NTPCR: variants seen among roughly 807,000 people sequenced by gnomAD.
NTPCR encodes cancer-related nucleoside-triphosphatase.
In NTPCR, 15 loss-of-function variants were observed where a neutral mutation model predicts 19.5. The observed-to-expected ratio is 0.77, with a 90% CI of 0.51 to 1.18. The LOEUF (loss-of-function observed/expected upper bound fraction) is 1.18. Among genes scored for constraint, NTPCR ranks in the 50% most tolerant of loss-of-function variants. The pLI, the probability that NTPCR is intolerant of heterozygous loss-of-function variation, is 0.00. For missense variants in NTPCR, 206 were observed against 240.4 expected, an observed-to-expected ratio of 0.86 and a Z score of 0.95; for synonymous variants, 90 against 95.8, an observed-to-expected ratio of 0.94 and a Z score of 0.36.
rs191639835 is a variant in NTPCR at position 232,974,880 on chromosome 1, T to C, written c.505-3283T>C. Among the ~76,000 whole-genome samples the C allele has an allele frequency of 2.6e-5, 4 of 152,282 alleles. No individual in the cohort carries two copies. The East Asian group carries it at 7.7e-4, about 29-fold the overall frequency. On this transcript the variant is annotated intron_variant, in intron 4 of 4. Coordinates refer to ENST00000366628, the MANE Select transcript of NTPCR (RefSeq NM_032324.3). ...CTTAAAGGTCCCACCTCTATTTGCA[T>C]GGGGGTTAAGTTTCCAACACATGAA...
chr1:232,952,776 A>C (rs1260504375), intron 1 of NTPCR, among the ~76,000 whole-genome samples: 1 of 151,898 alleles, frequency 6.6e-6, no homozygotes, highest in East Asian at 1.9e-4. Flanking sequence ...CAATATGTTC[A>C]GACCATCAGG....
intron 1 of NTPCR, among the ~76,000 whole-genome samples, chr1:232,954,100 G>A (rs1668448792): frequency 6.6e-6 from 1 of 152,220 alleles, no homozygotes; most frequent in South Asian, 2.1e-4. Context: ...AAAAGAAGTA[G>A]CAGCTTACAC....
At position 232,950,655 on chromosome 1, in the gene NTPCR, T is replaced by A; in HGVS notation, c.-56T>A. 6.8e-7 allele frequency: 1 copy of A among 1,463,270 alleles called. No homozygotes were observed. 90.6% of individuals were successfully genotyped at this position (1,463,270 alleles called of 1,614,324 possible). A position where few individuals can be genotyped will look rare whatever the true frequency, so the allele number is the denominator to read the frequency against. ...ACCCTGGTCCGGACCTGACCTGAATTGCGACCCCAACCTGGACTGCTCCCC... is the reference window on the plus strand; with the variant it reads ...ACCCTGGTCCGGACCTGACCTGAATAGCGACCCCAACCTGGACTGCTCCCC... On this transcript the variant is annotated 5_prime_UTR_variant, in exon 1 of 5. Transcript: ENST00000366628.
chr1:232,950,689 A>G lies in NTPCR; in HGVS notation c.-22A>G, dbSNP rs1668335858. On this transcript the variant is annotated 5_prime_UTR_variant, in exon 1 of 5. Coordinates refer to ENST00000366628, the MANE Select transcript of NTPCR (RefSeq NM_032324.3). ...AACCTGGACTGCTCCCCTGACCGCA[A>G]CCCCTACCCCCGCCCACCAGTATGG... 5.0e-6 allele frequency: 8 copies of G among 1,604,086 alleles called. No homozygotes were observed. The highest frequency in any genetic ancestry group is 1.3e-5 in the African/African-American group (1 of 74,450).
At chr1:232,976,374 A>C in intron 4 of NTPCR, 1 of 1,548,396 alleles carries the variant, frequency 6.5e-7, no homozygotes, top group South Asian at 1.2e-5. Context: ...ACCAGAGCAA[A>C]TTCTCCAGCT....
chr1:232,969,904 C>A lies in NTPCR; in HGVS notation c.295-5C>A, dbSNP rs536492970. The stretch of plus-strand genomic sequence containing the variant: ...TGTCCCAGTGAAAGTCTTTGTCATT[C>A]TCAGGCCGACTGCAGCAGTGGCCCA... On this transcript the variant is annotated splice_region_variant and splice_polypyrimidine_tract_variant and intron_variant, in intron 3 of 4. Coordinates refer to ENST00000366628, the MANE Select transcript of NTPCR (RefSeq NM_032324.3). The A allele has an allele frequency of 6.2e-7, 1 of 1,613,450 alleles. No homozygotes were observed. The highest frequency in any genetic ancestry group is 1.3e-5 in the African/African-American group (1 of 75,032).
chr1:232,973,788 C>T (rs1261822518), intron 4 of NTPCR, among the ~76,000 whole-genome samples: 1 of 152,164 alleles, frequency 6.6e-6, no homozygotes, highest in East Asian at 1.9e-4. Context: ...AAAAAAGTCA[C>T]TGAATGGGCT....
intron 4 of NTPCR, chr1:232,976,179 G>T: frequency 1.5e-6 from 1 of 677,202 alleles, no homozygotes; most frequent in Non-Finnish European, 2.1e-6. Context: ...CATATTTATG[G>T]GGTACAGTGT....
chr1:232,982,193 A>T lies in NTPCR; in HGVS notation c.*3962A>T, dbSNP rs982423222. 3.3e-5 allele frequency: 5 copies of T among 152,338 alleles called. 1 individual carries two copies. Among genetic ancestry groups the T allele is most frequent in the Middle Eastern group, 6.8e-3 (2 of 294 alleles). The allele number at this position is 152,338 out of a possible 1,614,324, so 9.4% of individuals were successfully genotyped here. On this transcript the variant is annotated 3_prime_UTR_variant, in exon 5 of 5. Coordinates refer to ENST00000366628, the MANE Select transcript of NTPCR (RefSeq NM_032324.3). ...GCTGACTAGATGAAGGACCAGATTA[A>T]CAAGTTCATGAGTTGTAAATATAAA...
At chr1:232,953,235 T>G (rs1044157895) in intron 1 of NTPCR, among the ~76,000 whole-genome samples, 1 of 143,794 alleles carries the variant, frequency 7.0e-6, no homozygotes, top group African/African-American at 2.6e-5. Flanking sequence ...TGAATCTTTA[T>G]CTGAGGATCT....
chr1:232,962,651 C>G (rs1668697990), intron 3 of NTPCR: 1 of 152,174 alleles, frequency 6.6e-6, no homozygotes, highest in African/African-American at 2.4e-5. Context: ...ACTCAAAGCC[C>G]TGTTTTCCAG....
At chr1:232,968,624 G>T (rs1045539663) in intron 3 of NTPCR, 1 of 152,204 alleles carries the variant, frequency 6.6e-6, no homozygotes, top group Admixed American at 6.5e-5. Context: ...GCTGCCCCTG[G>T]TTGCCACTGA....
Position 232,970,002 on chromosome 1 carries a change from C to A in NTPCR, c.388C>A (p.Arg130Ser). The A allele has an allele frequency of 1.2e-6, 2 of 1,614,022 alleles. No individual in the cohort carries two copies. Among genetic ancestry groups the A allele is most frequent in the African/African-American group, 1.3e-5 (1 of 75,040 alleles). The change falls in exon 4 of 5, where the codon CGT becomes AGT. Residue 130 changes from arginine (R) to serine (S), a missense_variant. By Grantham distance (110) the Arg-to-Ser change is moderately radical. Transcript: ENST00000366628. ...CAGTCAGCTTTTCATTCAAGCTGTT[C>A]GTCAGACGCTGTCTACCCCAGGGAC... ...LFSQLFIQAV[R>S]QTLSTPGTII...
At chr1:232,961,569 A>G (rs1414438256) in intron 3 of NTPCR, among the ~76,000 whole-genome samples, 1 of 152,240 alleles carries the variant, frequency 6.6e-6, no homozygotes, top group African/African-American at 2.4e-5. Context: ...TAGATGTTTT[A>G]TAAAGCAGAT....
intron 3 of NTPCR, among the ~76,000 whole-genome samples, chr1:232,960,722 G>T (rs1392372627): frequency 1.3e-5 from 2 of 152,090 alleles, no homozygotes; most frequent in Non-Finnish European, 2.9e-5. Flanking sequence ...AGTGTGTGTG[G>T]TAAGTGTTCT....
intron 3 of NTPCR, among the ~76,000 whole-genome samples, chr1:232,957,825 G>C (rs1035317652): frequency 1.1e-4 from 16 of 152,204 alleles, no homozygotes; most frequent in African/African-American, 3.9e-4. Flanking sequence ...TGCTATGAAA[G>C]GGAGGGACAG....
At chr1:232,953,599 G>A (rs1668433320) in intron 1 of NTPCR, among the ~76,000 whole-genome samples, 1 of 144,588 alleles carries the variant, frequency 6.9e-6, no homozygotes, top group Non-Finnish European at 1.5e-5. Context: ...GACCCATTCA[G>A]TATAAGAATT....
chr1:232,958,846 A>G (rs1433872233), intron 3 of NTPCR, among the ~76,000 whole-genome samples: 1 of 152,218 alleles, frequency 6.6e-6, no homozygotes, highest in Non-Finnish European at 1.5e-5. Flanking sequence ...GGGTCAATAC[A>G]AAGAATTTTT....
intron 1 of NTPCR, among the ~76,000 whole-genome samples, chr1:232,953,758 A>C (rs948511333): frequency 4.6e-5 from 7 of 152,074 alleles, no homozygotes; most frequent in Non-Finnish European, 5.9e-5. Context: ...AAAAAAACAT[A>C]ATGGAATGGT....
Sources: gnomAD v4.1 joint callset for allele counts (sites outside exome capture counted in the v4.1 genomes callset) on GRCh38, gnomAD v4.1.1 for gene constraint, MANE v1.5 for transcripts, NCBI Gene and HGNC (gene_info 2026-07-23, HGNC 2026-07-21) for gene names.